ORC3: variants seen among roughly 807,000 people sequenced by gnomAD.
The protein encoded by ORC3 is homolog of latheo, Drosophila.
ORC3 carries 78 observed loss-of-function variants against 100.7 expected under a neutral mutation model. That is an observed-to-expected ratio of 0.77 (90% confidence interval 0.65 to 0.94). ORC3 has a LOEUF of 0.94. Among genes scored for constraint, ORC3 ranks in the 40% least tolerant of loss-of-function variants. ORC3 has a pLI of 0.00. For synonymous variants in ORC3, 295 were observed against 289.3 expected (o/e 1.02, Z -0.20); for missense variants, 789 against 823.9 (o/e 0.96, Z 0.52).
rs1472545681 is a variant in ORC3 at position 87,594,473 on chromosome 6, T to C, written c.79+66T>C. On this transcript the variant is annotated intron_variant, in intron 2 of 19. Transcript: ENST00000392844. Reference sequence around the variant, plus strand: ...TTAAACTATTAGGAACTAACCCTAATTGAATTTAGTAATTCTCTTGTCTAA... The same window carrying C: ...TTAAACTATTAGGAACTAACCCTAACTGAATTTAGTAATTCTCTTGTCTAA... 2.8e-6 allele frequency: 4 copies of C among 1,435,732 alleles called. No individual in the cohort carries two copies. The Admixed American group carries it at 6.4e-5, about 23-fold the overall frequency. The allele number at this position is 1,435,732 out of a possible 1,614,324, so 88.9% of individuals were successfully genotyped here.
At chr6:87,644,351 CA>C (rs1230083822) in intron 13 of ORC3, among the ~76,000 whole-genome samples, 1 of 87,894 alleles carries the variant, frequency 1.1e-5, no homozygotes, top group Non-Finnish European at 2.2e-5. Flanking sequence ...CTCGGCCTCC[CA>C]AAGTGCTGGG....
intron 13 of ORC3, among the ~76,000 whole-genome samples, chr6:87,644,206 C>G (rs2128283913): frequency 6.8e-6 from 1 of 147,132 alleles, no homozygotes; most frequent in Middle Eastern, 3.5e-3. Flanking sequence ...CATTCTCCTG[C>G]CTCAGCCTCC....
chr6:87,601,936 A>G (rs969541899), intron 3 of ORC3, 55 bp downstream of exon 3: 3 of 981,880 alleles, frequency 3.1e-6, no homozygotes, highest in Non-Finnish European at 4.9e-6. Context: ...TTTTTGTTGC[A>G]TCTCATCTTC....
chr6:87,617,317 A>G (rs1779227413), intron 9 of ORC3, among the ~76,000 whole-genome samples: 1 of 152,174 alleles, frequency 6.6e-6, no homozygotes, highest in Non-Finnish European at 1.5e-5. Flanking sequence ...GCTTCATGAT[A>G]TATGCTGTAA....
the ORC3 span, chr6:87,674,926 T>C: frequency 4.0e-5 from 6 of 149,730 alleles, no homozygotes; most frequent in African/African-American, 7.4e-5. Flanking sequence ...ACAAGCAAAA[T>C]AGAAGTAAAT....
chr6:87,670,460 CCA>C (rs1169517807), downstream of ORC3, among the ~76,000 whole-genome samples: 1 of 152,102 alleles, frequency 6.6e-6, no homozygotes, highest in East Asian at 1.9e-4. Context: ...ACCACCGTGC[CCA>C]GTCGAAAACT....
chr6:87,602,954 A>AATAGATATATATATATATAT (rs1554236516), intron 3 of ORC3, among the ~76,000 whole-genome samples: 1 of 95,300 alleles, frequency 1.0e-5, no homozygotes, highest in Admixed American at 1.4e-4. Context: ...ACACATATAT[A>AATAGATATATATATATATAT]ATATATATAT....
chr6:87,618,106 T>G (rs1779286146), intron 9 of ORC3, among the ~76,000 whole-genome samples: 1 of 152,154 alleles, frequency 6.6e-6, no homozygotes, highest in Non-Finnish European at 1.5e-5. Flanking sequence ...ACCCTGAAGA[T>G]ACAGATAAAA....
At chr6:87,594,441 T>C (rs1777278102) in intron 2 of ORC3, 34 bp downstream of exon 2, 1 of 1,531,584 alleles carries the variant, frequency 6.5e-7, no homozygotes, top group Non-Finnish European at 8.9e-7. Flanking sequence ...TTTTATTCCC[T>C]ACCTTCTTAA....
At chr6:87,613,836 C>T (rs1164029354) in intron 8 of ORC3, among the ~76,000 whole-genome samples, 1 of 152,216 alleles carries the variant, frequency 6.6e-6, no homozygotes, top group East Asian at 1.9e-4. Context: ...GGCAGCTTCA[C>T]CCCTGTTGCT....
At chr6:87,617,308 C>G (rs1358705794) in intron 9 of ORC3, among the ~76,000 whole-genome samples, 1 of 152,116 alleles carries the variant, frequency 6.6e-6, no homozygotes, top group African/African-American at 2.4e-5. Context: ...AGGAATTTAG[C>G]TTCATGATAT....
chr6:87,665,965 A>G (rs1447854678), intron 19 of ORC3, 132 bp downstream of exon 19: 1 of 534,740 alleles, frequency 1.9e-6, no homozygotes, highest in Non-Finnish European at 3.3e-6. Context: ...TATTAACCAT[A>G]TGGTGCTAGA....
chr6:87,625,077 T>C (rs1274318218), intron 11 of ORC3, among the ~76,000 whole-genome samples: 2 of 152,256 alleles, frequency 1.3e-5, no homozygotes, highest in African/African-American at 4.8e-5. Context: ...TGCCACATTT[T>C]CTTAATCCAG....
intron 5 of ORC3, 151 bp downstream of exon 5, chr6:87,606,172 GT>G (rs1778326887): frequency 1.8e-6 from 1 of 542,766 alleles, no homozygotes; most frequent in African/African-American, 1.9e-5. Flanking sequence ...GGCTCTCAGA[GT>G]AATTGTGACT....
chr6:87,641,386 A>T (rs1385996735), intron 13 of ORC3, among the ~76,000 whole-genome samples: 1 of 152,182 alleles, frequency 6.6e-6, no homozygotes, highest in African/African-American at 2.4e-5. Context: ...TATTCCAGTT[A>T]CTTAGAGGTG....
At chr6:87,612,032 G>A in intron 7 of ORC3, 57 bp from the exon 8 acceptor site, 3 of 1,459,362 alleles carry the variant, frequency 2.1e-6, no homozygotes, top group South Asian at 2.5e-5. Flanking sequence ...GAAATATGAT[G>A]TATTGAAATA....
At chr6:87,607,580 A>G (rs1183312874) in intron 5 of ORC3, 93 bp from the exon 6 acceptor site, 1 of 1,015,814 alleles carries the variant, frequency 9.8e-7, no homozygotes, top group Non-Finnish European at 1.4e-6. Flanking sequence ...CTACCAAAAA[A>G]AAAAGTAATA....
At chr6:87,677,810 C>A in the ORC3 span, 3 of 1,613,016 alleles carry the variant, frequency 1.9e-6, no homozygotes, top group Admixed American at 1.7e-5. Flanking sequence ...AATAAACACA[C>A]CTCATACCTG....
chr6:87,635,570 G>A (rs972380511), intron 12 of ORC3, among the ~76,000 whole-genome samples: 54 of 152,272 alleles, frequency 3.5e-4, no homozygotes, highest in African/African-American at 1.3e-3. Flanking sequence ...GCCAAGGCAG[G>A]TGGTTCGCCT....
Sources: gnomAD v4.1 joint callset for allele counts (sites outside exome capture counted in the v4.1 genomes callset) on GRCh38, gnomAD v4.1.1 for gene constraint, MANE v1.5 for transcripts, NCBI Gene and HGNC (gene_info 2026-07-23, HGNC 2026-07-21) for gene names.